The following MREG variants were observed in gnomAD, a reference collection of about 807,000 sequenced individuals.
MREG encodes melanoregulin.
Under a neutral mutation model 28.5 loss-of-function variants are expected in MREG, and 31 were observed. The observed-to-expected ratio is 1.09, with a 90% CI of 0.82 to 1.47. MREG has a LOEUF of 1.47. Among genes scored for constraint, MREG ranks in the 40% most tolerant of loss-of-function variants. MREG has a pLI of 0.00. For synonymous variants in MREG, 106 were observed against 95.2 expected (o/e 1.11, Z -0.66); for missense variants, 256 against 257.4 (o/e 0.99, Z 0.04).
upstream of MREG, among the ~76,000 whole-genome samples, chr2:216,015,700 G>C (rs779157953): frequency 1.2e-4 from 18 of 152,198 alleles, 1 homozygote; most frequent in Non-Finnish European, 2.4e-4. Flanking sequence ...CACCAGGGTG[G>C]TGGGTGGTAG....
chr2:216,007,503 C>G (rs1408806000), intron 1 of MREG, among the ~76,000 whole-genome samples: 1 of 151,974 alleles, frequency 6.6e-6, no homozygotes, highest in African/African-American at 2.4e-5. Flanking sequence ...AATCTTGGCT[C>G]ACTGCAACCT....
At chr2:215,999,673 C>T (rs1693962619) in intron 1 of MREG, among the ~76,000 whole-genome samples, 1 of 152,156 alleles carries the variant, frequency 6.6e-6, no homozygotes, top group African/African-American at 2.4e-5. Flanking sequence ...AGGGAAATAG[C>T]AGTGAGAGTG....
intron 2 of MREG, among the ~76,000 whole-genome samples, chr2:215,972,975 T>G (rs1233005727): frequency 6.6e-6 from 1 of 152,024 alleles, no homozygotes; most frequent in African/African-American, 2.4e-5. Flanking sequence ...GTAGAGTGAA[T>G]GGACATGTAA....
Position 215,944,608 on chromosome 2 carries a change from C to A in MREG, c.*255G>T. 3.3e-6 allele frequency: 1 copy of A among 298,604 alleles called. No homozygotes were observed. The highest frequency in any genetic ancestry group is 4.6e-5 in the Admixed American group (1 of 21,862). The allele number at this position is 298,604 out of a possible 1,614,324, so 18.5% of individuals were successfully genotyped here. On this transcript the variant is annotated 3_prime_UTR_variant, in exon 5 of 5. Transcript: ENST00000263268. ...CAATGGGCTCTCAGAATGGAACCAC[C>A]CATTATGAACTATCCATCTGACCAA...
chr2:215,993,429 A>G (rs1339135070), intron 2 of MREG, among the ~76,000 whole-genome samples: 1 of 152,230 alleles, frequency 6.6e-6, no homozygotes, highest in Non-Finnish European at 1.5e-5. Flanking sequence ...CTCAAGATGG[A>G]TTAAAGACTT....
rs112515028 is a variant in MREG, at chr2:215,946,237, T to TA, written c.347-504dup. 8.9e-3 allele frequency among the ~76,000 whole-genome samples: 1,253 copies of TA among 140,184 alleles called. 11 individuals are homozygous for TA. The highest frequency in any genetic ancestry group is 0.021 in the African/African-American group (794 of 38,066). The allele number at this position is 140,184 out of a possible 152,430, so 92.0% of individuals were successfully genotyped here. A position where few individuals can be genotyped will look rare whatever the true frequency, so the allele number is the denominator to read the frequency against. ...CCTACTTGGAGTAACTTTCATTGTTTAAAAAAAAAAAAAGGCTATTAGCTC... is the reference window on the plus strand; with the variant it reads ...CCTACTTGGAGTAACTTTCATTGTTTAAAAAAAAAAAAAAGGCTATTAGCTC... On this transcript the variant is annotated intron_variant, in intron 3 of 4. Transcript: ENST00000263268.
At chr2:216,022,582 T>C (rs1694540432) in intron 1 of MREG, among the ~76,000 whole-genome samples, 1 of 152,206 alleles carries the variant, frequency 6.6e-6, no homozygotes, top group Admixed American at 6.5e-5. Flanking sequence ...CTAATTCTCC[T>C]GCCATAACAA....
At position 215,949,260 on chromosome 2, in the gene MREG, T is replaced by TA. The variant is rs78715040; in HGVS notation, c.256-2148dup. ...CCTGGGTGAGAGTGAGACTTTGTCTTAAAAAAAAAAAAAAGAGGGCCAGGC... is the reference window on the plus strand; with the variant it reads ...CCTGGGTGAGAGTGAGACTTTGTCTTAAAAAAAAAAAAAAAGAGGGCCAGGC... On this transcript the variant is annotated intron_variant, in intron 2 of 4. Coordinates refer to ENST00000263268, the MANE Select transcript of MREG (RefSeq NM_018000.3). Among the ~76,000 whole-genome samples, 258 of 129,298 alleles carry TA rather than the reference T, an allele frequency of 2.0e-3. 1 individual carries two copies. The highest frequency in any genetic ancestry group is 4.5e-3 in the Middle Eastern group (1 of 224). The allele number at this position is 129,298 out of a possible 152,430, so 84.8% of individuals were successfully genotyped here.
intron 2 of MREG, among the ~76,000 whole-genome samples, chr2:215,974,875 C>CT (rs1364147077): frequency 1.1e-4 from 17 of 150,788 alleles, no homozygotes; most frequent in African/African-American, 3.9e-4. Context: ...CTCTCTCTCT[C>CT]CCTCTCTCCA....
chr2:216,020,644 C>A (rs1694506114), intron 1 of MREG, among the ~76,000 whole-genome samples: 1 of 152,198 alleles, frequency 6.6e-6, no homozygotes, highest in South Asian at 2.1e-4. Flanking sequence ...GGAAAATCAA[C>A]TGGAAACACA....
intron 1 of MREG, among the ~76,000 whole-genome samples, chr2:216,004,028 C>T (rs538251520): frequency 2.4e-4 from 36 of 152,348 alleles, no homozygotes; most frequent in African/African-American, 8.4e-4. Context: ...CAAAGTCCTG[C>T]AGTGGTCCCC....
At chr2:216,001,090 C>T (rs1239853628) in intron 1 of MREG, among the ~76,000 whole-genome samples, 1 of 152,116 alleles carries the variant, frequency 6.6e-6, no homozygotes, top group Non-Finnish European at 1.5e-5. Flanking sequence ...CTCCTCTCCT[C>T]TCTCTAGCTG....
intron 2 of MREG, among the ~76,000 whole-genome samples, chr2:215,950,542 A>G (rs1324421803): frequency 6.6e-6 from 1 of 152,196 alleles, no homozygotes; most frequent in Non-Finnish European, 1.5e-5. Context: ...CAGCTTGCAC[A>G]TGACAGGTGG....
rs369531209 is a variant in MREG, at chr2:216,025,238, C to G, written c.-68+7551G>C. 8.5e-5 allele frequency among the ~76,000 whole-genome samples: 13 copies of G among 152,226 alleles called. No individual in the cohort carries two copies. The East Asian group carries it at 2.5e-3, about 29-fold the overall frequency. ...CCTTAGCTGCCACCCCACTGATACC[C>G]AGAAGAGGTTGATTTAAAGATCTCG... On this transcript the variant is annotated intron_variant, in intron 1 of 3. Coordinates refer to the MREG transcript ENST00000420348.
At chr2:216,002,656 AC>A (rs1307931584) in intron 1 of MREG, among the ~76,000 whole-genome samples, 14 of 151,964 alleles carry the variant, frequency 9.2e-5, no homozygotes, top group South Asian at 6.2e-4. Flanking sequence ...CTGGCCTGCT[AC>A]CCCCCTGGCT....
chr2:215,951,604 T>C (rs1470498008), intron 2 of MREG, among the ~76,000 whole-genome samples: 2 of 152,208 alleles, frequency 1.3e-5, no homozygotes, highest in Admixed American at 1.3e-4. Context: ...GAAAACATAC[T>C]GAGCTAATTT....
intron 1 of MREG, 118 bp from the exon 2 acceptor site, chr2:215,996,583 TG>T: frequency 1.4e-6 from 1 of 721,368 alleles, no homozygotes; most frequent in Non-Finnish European, 2.2e-6. Context: ...ATAAATATAT[TG>T]TCAAAAAGGT....
intron 2 of MREG, among the ~76,000 whole-genome samples, chr2:215,950,981 C>T (rs981411970): frequency 2.0e-5 from 3 of 152,016 alleles, no homozygotes; most frequent in African/African-American, 4.8e-5. Context: ...AAGCATGTAG[C>T]GCTTCCCCCT....
At chr2:215,961,209 T>C (rs1056617172) in intron 2 of MREG, among the ~76,000 whole-genome samples, 5 of 152,168 alleles carry the variant, frequency 3.3e-5, no homozygotes, top group African/African-American at 1.2e-4. Context: ...CTCCCAACAA[T>C]GGTTGGCTTT....
Sources: gnomAD v4.1 joint callset for allele counts (sites outside exome capture counted in the v4.1 genomes callset) on GRCh38, gnomAD v4.1.1 for gene constraint, MANE v1.5 for transcripts, NCBI Gene and HGNC (gene_info 2026-07-23, HGNC 2026-07-21) for gene names.